The following ARHGEF33 variants were observed in gnomAD, a reference collection of about 807,000 sequenced individuals.
ARHGEF33 encodes the protein Rho guanine nucleotide exchange factor 33.
In ARHGEF33, 72 loss-of-function variants were observed where a neutral mutation model predicts 101.9. The observed-to-expected ratio is 0.71, with a 90% CI of 0.58 to 0.86. ARHGEF33 has a LOEUF of 0.86. ARHGEF33 is among the 40% of genes least tolerant of loss of function. The pLI is 0.00. For synonymous variants in ARHGEF33, 499 were observed against 442.5 expected (o/e 1.13, Z -1.60); for missense variants, 1,169 against 1,111.3 (o/e 1.05, Z -0.74).
At chr2:38,922,109 A>T (rs1037907721) in intron 4 of ARHGEF33, among the ~76,000 whole-genome samples, 1 of 152,164 alleles carries the variant, frequency 6.6e-6, no homozygotes, top group African/African-American at 2.4e-5. Flanking sequence ...TCCCAACTGT[A>T]AATTTAAAGC....
In ARHGEF33 at chr2:38,929,731, C is replaced by G. The variant is rs980557014; in HGVS notation, c.263C>G (p.Ser88Trp). The G allele has an allele frequency of 6.4e-7, 1 of 1,551,690 alleles. No individual in the cohort carries two copies. The highest frequency in any genetic ancestry group is 1.4e-5 in the African/African-American group (1 of 73,020). ...TAGGAAGAGCTGAGCAATGCCATGT[C>G]GATGATCCAAGCCATCACTTCCAAA... ...YFKEELSNAM[S>W]MIQAITSKQE... The change falls in exon 6 of 18, where the codon TCG (serine) becomes TGG (tryptophan). Residue 88 changes from serine (S) to tryptophan (W), a missense_variant. By Grantham distance (177) the Ser-to-Trp change is radical (BLOSUM62 -3). Transcript: ENST00000409978.
intron 15 of ARHGEF33, 65 bp downstream of exon 15, chr2:38,958,263 G>A: frequency 1.3e-6 from 2 of 1,530,438 alleles, no homozygotes; most frequent in African/African-American, 2.7e-5. Flanking sequence ...GTCTGTGCGG[G>A]TTAGCAGGGC....
chr2:38,958,538 C>T (rs1490709493), intron 15 of ARHGEF33, among the ~76,000 whole-genome samples: 1 of 152,160 alleles, frequency 6.6e-6, no homozygotes, highest in Non-Finnish European at 1.5e-5. Context: ...ATATGGCTGC[C>T]ACTGCACTCT....
At chr2:38,922,075 A>G (rs577968087) in intron 4 of ARHGEF33, among the ~76,000 whole-genome samples, 18 of 152,266 alleles carry the variant, frequency 1.2e-4, no homozygotes, top group African/African-American at 4.3e-4. Context: ...TGGTCCTCTA[A>G]GTGGTATTTA....
At chr2:38,946,160 C>G (rs935276555) in intron 10 of ARHGEF33, among the ~76,000 whole-genome samples, 1 of 152,152 alleles carries the variant, frequency 6.6e-6, no homozygotes, top group African/African-American at 2.4e-5. Context: ...TTGCAAGCCT[C>G]CAGCAGGCGG....
chr2:38,946,943 T>C (rs1283826934), intron 10 of ARHGEF33, among the ~76,000 whole-genome samples: 1 of 152,212 alleles, frequency 6.6e-6, no homozygotes, highest in African/African-American at 2.4e-5. Context: ...GTACTTTAAA[T>C]AGACCAGCTG....
chr2:38,927,363 G>T (rs1193000600), intron 4 of ARHGEF33, among the ~76,000 whole-genome samples: 1 of 152,198 alleles, frequency 6.6e-6, no homozygotes, highest in Non-Finnish European at 1.5e-5. Context: ...AAGAAACTTT[G>T]TTAAGGTATC....
intron 17 of ARHGEF33, among the ~76,000 whole-genome samples, chr2:38,968,937 T>C (rs1286584207): frequency 6.6e-6 from 1 of 152,104 alleles, no homozygotes; most frequent in Non-Finnish European, 1.5e-5. Context: ...TTTGCTCCAT[T>C]ATAAGGTAGA....
chr2:38,949,379 C>CA (rs967993885), intron 10 of ARHGEF33, among the ~76,000 whole-genome samples: 1 of 151,816 alleles, frequency 6.6e-6, no homozygotes, highest in African/African-American at 2.4e-5. Flanking sequence ...TGCTGTAACC[C>CA]AAAAAAACTC....
At chr2:38,934,362 C>T (rs987425339) in intron 7 of ARHGEF33, among the ~76,000 whole-genome samples, 3 of 152,170 alleles carry the variant, frequency 2.0e-5, no homozygotes, top group Non-Finnish European at 4.4e-5. Flanking sequence ...CTTTTCTCTT[C>T]AGACTTATAT....
chr2:38,918,798 T>A (rs1239100176), intron 2 of ARHGEF33, among the ~76,000 whole-genome samples: 1 of 146,488 alleles, frequency 6.8e-6, no homozygotes, highest in Non-Finnish European at 1.5e-5. Context: ...TTCAGCACTT[T>A]GGGAGGCCGA....
intron 16 of ARHGEF33, among the ~76,000 whole-genome samples, chr2:38,961,409 G>A (rs979417593): frequency 6.6e-6 from 1 of 152,126 alleles, no homozygotes; most frequent in African/African-American, 2.4e-5. Flanking sequence ...TAATTGTGGT[G>A]TCTGCAAGCC....
At chr2:38,904,620 C>G (rs1344273696) in intron 2 of ARHGEF33, among the ~76,000 whole-genome samples, 1 of 149,766 alleles carries the variant, frequency 6.7e-6, no homozygotes, top group East Asian at 2.0e-4. Flanking sequence ...GCAGGGAGAA[C>G]TGCTTGAACC....
chr2:38,896,975 G>A (rs928597635), intron 2 of ARHGEF33, among the ~76,000 whole-genome samples: 1 of 152,100 alleles, frequency 6.6e-6, no homozygotes, highest in Non-Finnish European at 1.5e-5. Flanking sequence ...GAGTGCAGTG[G>A]CACGATCTTG....
chr2:38,914,019 A>G (rs1452713125), intron 2 of ARHGEF33, among the ~76,000 whole-genome samples: 1 of 152,222 alleles, frequency 6.6e-6, no homozygotes. Flanking sequence ...GAGATGCTCA[A>G]TAGCACCAGC....
chr2:38,946,258 T>C (rs1373103533), intron 10 of ARHGEF33, among the ~76,000 whole-genome samples: 8 of 152,144 alleles, frequency 5.3e-5, no homozygotes, highest in Admixed American at 5.2e-4. Flanking sequence ...TTCCTATTTT[T>C]CTAAATTGTT....
At chr2:38,900,039 A>G (rs1666207166) in intron 2 of ARHGEF33, among the ~76,000 whole-genome samples, 1 of 152,012 alleles carries the variant, frequency 6.6e-6, no homozygotes, top group Admixed American at 6.6e-5. Context: ...AAAAAAAATT[A>G]AAATTAGTCT....
intron 17 of ARHGEF33, among the ~76,000 whole-genome samples, chr2:38,971,026 GCTGA>G (rs1183222107): frequency 1.3e-5 from 2 of 152,260 alleles, no homozygotes; most frequent in South Asian, 2.1e-4. Flanking sequence ...GATTACCAGG[GCTGA>G]CTGACTGGCC....
intron 6 of ARHGEF33, among the ~76,000 whole-genome samples, chr2:38,930,189 T>C (rs6748000): frequency 0.079 from 12,082 of 152,188 alleles, 1,441 homozygotes; most frequent in African/African-American, 0.25. Context: ...TTTATTAACT[T>C]TCTAAAATGT....
Sources: gnomAD v4.1 joint callset for allele counts (sites outside exome capture counted in the v4.1 genomes callset) on GRCh38, gnomAD v4.1.1 for gene constraint, MANE v1.5 for transcripts, NCBI Gene and HGNC (gene_info 2026-07-23, HGNC 2026-07-21) for gene names.